YAF2: variants seen among roughly 807,000 people sequenced by gnomAD.
The protein encoded by YAF2 is YY1 associated factor 2, also known as YY1-associated factor 2.
In YAF2, 7 loss-of-function variants were observed where a neutral mutation model predicts 20.1. That is an observed-to-expected ratio of 0.35 (90% CI 0.20 to 0.65). YAF2 has a LOEUF of 0.65. Among genes scored for constraint, YAF2 ranks in the 30% least tolerant of loss-of-function variants. YAF2 has a pLI of 0.69. For missense variants in YAF2, 151 were observed against 219.2 expected (o/e 0.69, Z 1.96); for synonymous variants, 74 against 76.0 (o/e 0.97, Z 0.14).
intron 2 of YAF2, among the ~76,000 whole-genome samples, chr12:42,228,618 G>GC (rs1320165979): frequency 2.2e-5 from 2 of 90,250 alleles, no homozygotes; most frequent in Admixed American, 2.0e-4. Flanking sequence ...GGGGGTGTCA[G>GC]CCCCCCGCCC....
chr12:42,210,722 T>C (rs2067184345), intron 2 of YAF2: 4 of 1,503,310 alleles, frequency 2.7e-6, no homozygotes, highest in Admixed American at 2.0e-5. Context: ...TTGAGATTAT[T>C]ATCACACGTA....
intron 2 of YAF2, among the ~76,000 whole-genome samples, chr12:42,213,773 G>C (rs2067276883): frequency 6.6e-6 from 1 of 152,136 alleles, no homozygotes; most frequent in Non-Finnish European, 1.5e-5. Context: ...TCTTCAGTGT[G>C]TGTATATTAA....
intron 2 of YAF2, among the ~76,000 whole-genome samples, chr12:42,177,055 C>T (rs2137027719): frequency 6.6e-6 from 1 of 152,336 alleles, no homozygotes; most frequent in East Asian, 1.9e-4. Flanking sequence ...AAATGTAAAT[C>T]AAATTATATT....
intron 2 of YAF2, among the ~76,000 whole-genome samples, chr12:42,192,961 A>G (rs2066653057): frequency 6.6e-6 from 1 of 152,204 alleles, no homozygotes; most frequent in African/African-American, 2.4e-5. Flanking sequence ...CATAGTACTC[A>G]TGTGTTTGCA....
At chr12:42,215,583 A>G (rs1030117396) in intron 2 of YAF2, among the ~76,000 whole-genome samples, 1 of 152,186 alleles carries the variant, frequency 6.6e-6, no homozygotes, top group African/African-American at 2.4e-5. Context: ...CAAACCATAC[A>G]TATTCCCTCA....
intron 2 of YAF2, among the ~76,000 whole-genome samples, chr12:42,200,726 G>A (rs1047616099): frequency 6.6e-6 from 1 of 152,156 alleles, no homozygotes; most frequent in Admixed American, 6.5e-5. Context: ...AGATCACATT[G>A]TACACATCAT....
chr12:42,180,843 G>T (rs1212532542), intron 2 of YAF2, among the ~76,000 whole-genome samples: 3 of 152,164 alleles, frequency 2.0e-5, no homozygotes, highest in Non-Finnish European at 4.4e-5. Context: ...AGCTACTCAA[G>T]AGGCTGAGGC....
chr12:42,208,104 A>T (rs768740896), intron 2 of YAF2, among the ~76,000 whole-genome samples: 4 of 152,124 alleles, frequency 2.6e-5, no homozygotes, highest in Non-Finnish European at 5.9e-5. Flanking sequence ...AAAATAATAA[A>T]TTTTTTAAAA....
chr12:42,235,764 A>AG, intron 2 of YAF2: 3 of 1,535,356 alleles, frequency 2.0e-6, no homozygotes, highest in Non-Finnish European at 1.7e-6. Context: ...TACTGGTAAA[A>AG]AAAAAAAATG....
At chr12:42,169,433 G>C (rs968824460) in intron 2 of YAF2, among the ~76,000 whole-genome samples, 1 of 149,666 alleles carries the variant, frequency 6.7e-6, no homozygotes, top group Non-Finnish European at 1.5e-5. Context: ...CTTTTTTTTC[G>C]GAGACATAGT....
chr12:42,198,931 T>G (rs955725787), intron 2 of YAF2, among the ~76,000 whole-genome samples: 1 of 152,240 alleles, frequency 6.6e-6, no homozygotes, highest in Non-Finnish European at 1.5e-5. Context: ...TAAGATGTGC[T>G]GTAAATGTAA....
chr12:42,207,869 C>T (rs568103896), intron 2 of YAF2, among the ~76,000 whole-genome samples: 19 of 152,044 alleles, frequency 1.2e-4, no homozygotes, highest in African/African-American at 4.1e-4. Flanking sequence ...CCAGCCTGGG[C>T]GACAGAGCGA....
Position 42,178,302 on chromosome 12 carries a change from G to A in YAF2, c.153-16537C>T, listed in dbSNP as rs57582332. 8.6e-3 allele frequency among the ~76,000 whole-genome samples: 1,301 copies of A among 152,022 alleles called. 22 individuals carry two copies. The highest frequency in any genetic ancestry group is 0.029 in the African/African-American group (1,206 of 41,456). On this transcript the variant is annotated intron_variant, in intron 2 of 3. Coordinates refer to ENST00000534854, the MANE Select transcript of YAF2 (RefSeq NM_005748.6). The stretch of plus-strand genomic sequence containing the variant: ...ACTTGGGCCCCCACCCAGACCAATT[G>A]AATAAAAGACCTCCAGGAATGAAGC...
intron 2 of YAF2, among the ~76,000 whole-genome samples, chr12:42,194,684 T>C (rs2066704360): frequency 6.6e-6 from 1 of 152,172 alleles, no homozygotes; most frequent in Admixed American, 6.5e-5. Flanking sequence ...ATCAGTAACA[T>C]AAAAATTTTT....
At chr12:42,235,311 T>C (rs2068113440) in intron 2 of YAF2, 1 of 998,588 alleles carries the variant, frequency 1.0e-6, no homozygotes, top group Admixed American at 5.3e-5. Flanking sequence ...TTCTTCCAAC[T>C]ACTGAAACTT....
chr12:42,186,298 G>C (rs2066472895), intron 2 of YAF2, among the ~76,000 whole-genome samples: 1 of 151,798 alleles, frequency 6.6e-6, no homozygotes, highest in Non-Finnish European at 1.5e-5. Flanking sequence ...AGGTTACAGT[G>C]AGTCAAGATG....
At chr12:42,188,056 A>T (rs1430884807) in intron 2 of YAF2, among the ~76,000 whole-genome samples, 1 of 152,218 alleles carries the variant, frequency 6.6e-6, no homozygotes, top group Non-Finnish European at 1.5e-5. Context: ...ACCCAGAGCC[A>T]GAACCACCCA....
chr12:42,228,048 C>T (rs2067806740), intron 2 of YAF2, among the ~76,000 whole-genome samples: 1 of 119,082 alleles, frequency 8.4e-6, no homozygotes. Context: ...CCCGGCCAGC[C>T]GCCCCGTCTG....
At chr12:42,217,659 CA>C (rs1039421982) in intron 2 of YAF2, among the ~76,000 whole-genome samples, 1 of 151,826 alleles carries the variant, frequency 6.6e-6, no homozygotes, top group South Asian at 2.1e-4. Flanking sequence ...TAATTACCAC[CA>C]AAAAAATCAC....
Sources: gnomAD v4.1 joint callset for allele counts (sites outside exome capture counted in the v4.1 genomes callset) on GRCh38, gnomAD v4.1.1 for gene constraint, MANE v1.5 for transcripts, NCBI Gene and HGNC (gene_info 2026-07-23, HGNC 2026-07-21) for gene names.